Variants in RAP1GDS1 observed in about 807,000 individuals in gnomAD.
RAP1GDS1 encodes the protein RAP1, GTP-GDP dissociation stimulator 1.
RAP1GDS1 carries 35 observed loss-of-function variants against 71.1 expected under a neutral mutation model. That is an observed-to-expected ratio of 0.49 (90% CI 0.38 to 0.65). RAP1GDS1 has a LOEUF of 0.65. Ranked by LOEUF, RAP1GDS1 falls within the 30% of genes least tolerant of loss-of-function variation. The pLI is 0.00. For synonymous variants in RAP1GDS1, 229 were observed against 243.1 expected (o/e 0.94, Z 0.54); for missense variants, 663 against 706.1 (o/e 0.94, Z 0.69).
intron 4 of RAP1GDS1, among the ~76,000 whole-genome samples, chr4:98,366,461 G>T (rs1739511024): frequency 6.6e-6 from 1 of 152,062 alleles, no homozygotes; most frequent in Non-Finnish European, 1.5e-5. Flanking sequence ...ACAGTAAATT[G>T]GTACCAGGAG....
At chr4:98,288,365 C>T (rs1371714595) in intron 1 of RAP1GDS1, among the ~76,000 whole-genome samples, 2 of 152,076 alleles carry the variant, frequency 1.3e-5, no homozygotes, top group Non-Finnish European at 2.9e-5. Flanking sequence ...ATGAACTCAT[C>T]GTTTTTTATG....
At chr4:98,357,534 C>T (rs1738133752) in intron 4 of RAP1GDS1, among the ~76,000 whole-genome samples, 1 of 151,768 alleles carries the variant, frequency 6.6e-6, no homozygotes, top group Non-Finnish European at 1.5e-5. Flanking sequence ...CTATCATAAG[C>T]TCTAAACACA....
At chr4:98,297,006 CT>C (rs748534675) in intron 2 of RAP1GDS1, 2 of 193,578 alleles carry the variant, frequency 1.0e-5, no homozygotes, top group Non-Finnish European at 2.2e-5. Flanking sequence ...CTGTCTTCCC[CT>C]GCCTCGTTCT....
chr4:98,405,457 A>G (rs142197763), intron 7 of RAP1GDS1, among the ~76,000 whole-genome samples: 17 of 152,254 alleles, frequency 1.1e-4, no homozygotes, highest in Non-Finnish European at 1.9e-4. Context: ...ATAAAAGAGA[A>G]TAAGAGGTCA....
chr4:98,379,687 T>G (rs1270981984), intron 5 of RAP1GDS1, among the ~76,000 whole-genome samples: 1 of 152,048 alleles, frequency 6.6e-6, no homozygotes, highest in East Asian at 1.9e-4. Context: ...TAAAACATTT[T>G]TAGACCCTAG....
chr4:98,418,759 C>T lies in RAP1GDS1; in HGVS notation c.1142C>T (p.Ala381Val). ...EDGNVTVQHA[A>V]LSALRNLAIP... is the part of the protein sequence containing the mutation. ...GGAAATGTAACAGTACAGCATGCAG[C>T]ACTAAGTGCCCTCAGAAACCTGGCC... The change falls in exon 10 of 15, where the codon GCA becomes GTA. Residue 381 changes from alanine (A) to valine (V), a missense_variant. Ala to Val is a moderately conservative substitution (Grantham distance 64). Transcript: ENST00000408927. 1 of 1,601,402 alleles carries T rather than the reference C, an allele frequency of 6.2e-7. No homozygotes were observed. The highest frequency in any genetic ancestry group is 2.3e-5 in the East Asian group (1 of 44,332).
In RAP1GDS1 at chr4:98,377,628, TTGTG is replaced by T. The variant is rs58691883; in HGVS notation, c.362-1369_362-1366del. 5.8e-4 allele frequency among the ~76,000 whole-genome samples: 87 copies of T among 149,378 alleles called. No individual in the cohort carries two copies. In the South Asian group the frequency reaches 0.014, roughly 23 times the overall value. On this transcript the variant is annotated intron_variant, in intron 4 of 14. Coordinates refer to ENST00000408927, the MANE Select transcript of RAP1GDS1 (RefSeq NM_001100427.2). ...GTATTTCTGAGGTCTTACTATATAA[TTGTG>T]TGTGTGTGTGTGTGTGTGTATACCA...
intron 1 of RAP1GDS1, among the ~76,000 whole-genome samples, chr4:98,284,261 C>T (rs181350695): frequency 4.3e-4 from 66 of 152,040 alleles, no homozygotes; most frequent in Middle Eastern, 3.4e-3. Context: ...TCAGGGGGCA[C>T]GTAATGCAGT....
intron 2 of RAP1GDS1, among the ~76,000 whole-genome samples, chr4:98,342,873 G>T (rs76760653): frequency 0.067 from 10,153 of 152,130 alleles, 390 homozygotes; most frequent in Admixed American, 0.14. Context: ...GTATGCAAAT[G>T]ATATATTCAG....
chr4:98,269,897 TAAA>T (rs1456365727), intron 1 of RAP1GDS1, among the ~76,000 whole-genome samples: 2 of 152,168 alleles, frequency 1.3e-5, no homozygotes, highest in East Asian at 3.9e-4. Flanking sequence ...ATGTAAATAA[TAAA>T]TGAATATATT....
chr4:98,391,964 C>T lies in RAP1GDS1; in HGVS notation c.521C>T (p.Ala174Val), dbSNP rs761718927. 6 of 1,597,252 alleles carry T rather than the reference C, an allele frequency of 3.8e-6. No homozygotes were observed. The South Asian group carries it at 4.6e-5, about 12-fold the overall frequency. The change falls in exon 6 of 15, where the codon GCT (alanine) becomes GTT (valine). Residue 174 changes from alanine (A) to valine (V), a missense_variant. Coordinates refer to ENST00000408927, the MANE Select transcript of RAP1GDS1 (RefSeq NM_001100427.2). ...NYSNENDSLQ[A>V]QLINMGVIPT... is the part of the protein sequence containing the mutation. ...TTTGTTTTTACAGATTCGCTTCAAG[C>T]TCAGCTTATCAATATGGGTGTTATT...
intron 1 of RAP1GDS1, among the ~76,000 whole-genome samples, chr4:98,271,005 AAT>A (rs750489812): frequency 1.3e-5 from 2 of 152,166 alleles, no homozygotes; most frequent in Non-Finnish European, 2.9e-5. Flanking sequence ...TAACATACAT[AAT>A]ATGTGTTAAT....
intron 2 of RAP1GDS1, among the ~76,000 whole-genome samples, chr4:98,306,574 A>G (rs957800425): frequency 1.3e-5 from 2 of 152,248 alleles, no homozygotes; most frequent in African/African-American, 4.8e-5. Flanking sequence ...AATATAAGAC[A>G]TGTAAATTGG....
chr4:98,267,841 A>G (rs1044238913), intron 1 of RAP1GDS1, among the ~76,000 whole-genome samples: 4 of 152,050 alleles, frequency 2.6e-5, no homozygotes, highest in Non-Finnish European at 5.9e-5. Flanking sequence ...AGCATGATTT[A>G]TTTTTCTCTG....
intron 2 of RAP1GDS1, among the ~76,000 whole-genome samples, chr4:98,334,249 A>G (rs753171161): frequency 2.0e-5 from 3 of 152,192 alleles, no homozygotes; most frequent in Non-Finnish European, 4.4e-5. Flanking sequence ...ACACCTAAGC[A>G]TATATACATA....
chr4:98,424,392 G>A (rs1354183937), intron 12 of RAP1GDS1, among the ~76,000 whole-genome samples: 1 of 152,086 alleles, frequency 6.6e-6, no homozygotes, highest in African/African-American at 2.4e-5. Flanking sequence ...AACAATAGCT[G>A]ATGAGCTTAA....
intron 4 of RAP1GDS1, among the ~76,000 whole-genome samples, chr4:98,372,079 G>C (rs537196653): frequency 6.6e-6 from 1 of 152,070 alleles, no homozygotes; most frequent in Non-Finnish European, 1.5e-5. Context: ...CTGATTGTCT[G>C]AACTGTTCTT....
At chr4:98,416,130 C>T (rs1434708635) in intron 7 of RAP1GDS1, among the ~76,000 whole-genome samples, 3 of 151,934 alleles carry the variant, frequency 2.0e-5, no homozygotes, top group Non-Finnish European at 2.9e-5. Flanking sequence ...AGCATGATAT[C>T]TAGAGTAATA....
chr4:98,274,251 G>A (rs956095995), intron 1 of RAP1GDS1, among the ~76,000 whole-genome samples: 8 of 151,360 alleles, frequency 5.3e-5, no homozygotes, highest in African/African-American at 9.7e-5. Context: ...TTGTGACCTC[G>A]AGCTCAAAAA....
Sources: allele counts gnomAD v4.1 joint callset (sites outside exome capture counted in the v4.1 genomes callset), GRCh38; gene constraint gnomAD v4.1.1; transcripts MANE v1.5; gene names NCBI Gene and HGNC (gene_info 2026-07-23, HGNC 2026-07-21).